NHEJ1: variants seen among roughly 807,000 people sequenced by gnomAD.
The protein encoded by NHEJ1 is non-homologous end joining factor 1.
In NHEJ1, 22 loss-of-function variants were observed where a neutral mutation model predicts 39.4. That is an observed-to-expected ratio of 0.56 (90% confidence interval 0.40 to 0.80). The LOEUF (loss-of-function observed/expected upper bound fraction) is 0.80. NHEJ1 is among the 30% of genes least tolerant of loss of function. The probability of loss-of-function intolerance (pLI) is 0.00; values close to 1 mark genes in which losing one functional copy is unlikely to be tolerated. For missense variants in NHEJ1, 329 were observed against 357.1 expected (o/e 0.92, Z 0.63); for synonymous variants, 154 against 135.6 (o/e 1.14, Z -0.94).
At chr2:219,150,541 C>A (rs191733775) in intron 3 of NHEJ1, among the ~76,000 whole-genome samples, 3 of 152,216 alleles carry the variant, frequency 2.0e-5, no homozygotes, top group Admixed American at 1.3e-4. Context: ...TCCTGCTGGG[C>A]GGGCATGGTG....
rs1286481300 is a variant in NHEJ1, at chr2:219,127,885, CAA to C, written c.588+18793_588+18794del. On this transcript the variant is annotated intron_variant, in intron 5 of 7. Coordinates refer to ENST00000356853, the MANE Select transcript of NHEJ1 (RefSeq NM_024782.3). ...TGGCATTACCATTTAACCTTAGAAT[CAA>C]AGAACCTTGGCACTGGAAAATAAAC... 3.3e-5 allele frequency among the ~76,000 whole-genome samples: 5 copies of C among 151,918 alleles called. No homozygotes were observed. In the East Asian group the frequency reaches 9.6e-4, roughly 29 times the overall value.
In NHEJ1 at chr2:219,074,686, G is replaced by A. The variant is rs1467861427; in HGVS notation, c.*1695C>T. Among the ~76,000 whole-genome samples, 1 of 151,404 alleles carries A rather than the reference G, an allele frequency of 6.6e-6. No individual in the cohort carries two copies. Among genetic ancestry groups the A allele is most frequent in the African/African-American group, 2.4e-5 (1 of 41,148 alleles). ...GAACACAGGAGGTGGAGTTTGCAGT[G>A]AGCCAAAATTGTGCGATTGTACTCC... On this transcript the variant is annotated 3_prime_UTR_variant, in exon 8 of 8. Coordinates refer to ENST00000356853, the MANE Select transcript of NHEJ1 (RefSeq NM_024782.3).
intron 5 of NHEJ1, among the ~76,000 whole-genome samples, chr2:219,141,996 T>C (rs1245945590): frequency 1.3e-5 from 2 of 152,200 alleles, no homozygotes; most frequent in South Asian, 2.1e-4. Context: ...ACTCTCTTCA[T>C]AGTTTAAAGT....
At chr2:219,117,984 T>C (rs1373404895) in intron 5 of NHEJ1, among the ~76,000 whole-genome samples, 1 of 152,194 alleles carries the variant, frequency 6.6e-6, no homozygotes, top group African/African-American at 2.4e-5. Context: ...TCCATGCAAA[T>C]ACAGCCTTTT....
intron 5 of NHEJ1, among the ~76,000 whole-genome samples, chr2:219,130,572 C>T (rs773728678): frequency 1.3e-5 from 2 of 152,152 alleles, no homozygotes; most frequent in African/African-American, 2.4e-5. Flanking sequence ...TTATGAGTTA[C>T]GAGCGCTTGG....
intron 5 of NHEJ1, among the ~76,000 whole-genome samples, chr2:219,108,719 T>C (rs189301938): frequency 6.6e-6 from 1 of 152,292 alleles, no homozygotes; most frequent in East Asian, 1.9e-4. Context: ...TGAGTATTAT[T>C]CTATAATACT....
At chr2:219,141,377 C>G (rs1949689966) in intron 5 of NHEJ1, among the ~76,000 whole-genome samples, 1 of 138,898 alleles carries the variant, frequency 7.2e-6, no homozygotes, top group African/African-American at 2.9e-5. Context: ...GAGACTTGGT[C>G]TCAAAAAAAA....
At chr2:219,101,788 C>T (rs749986039) in intron 5 of NHEJ1, among the ~76,000 whole-genome samples, 94 of 150,002 alleles carry the variant, frequency 6.3e-4, no homozygotes, top group Admixed American at 3.2e-3. Flanking sequence ...TGCAGTGGCG[C>T]GATCTCAGCT....
At chr2:219,088,260 T>C (rs1030318620) in intron 5 of NHEJ1, among the ~76,000 whole-genome samples, 2 of 152,236 alleles carry the variant, frequency 1.3e-5, no homozygotes, top group Non-Finnish European at 1.5e-5. Flanking sequence ...AGTTGTGGTA[T>C]AGCTTTACAA....
intron 5 of NHEJ1, among the ~76,000 whole-genome samples, chr2:219,113,089 G>A (rs949150356): frequency 3.9e-5 from 6 of 152,224 alleles, no homozygotes; most frequent in African/African-American, 1.4e-4. Context: ...CAACGACTAA[G>A]TCAAAGTACT....
chr2:219,144,854 C>T (rs537092305), intron 5 of NHEJ1, among the ~76,000 whole-genome samples: 10 of 152,242 alleles, frequency 6.6e-5, no homozygotes, highest in African/African-American at 1.7e-4. Context: ...AAGAGAAAAA[C>T]GGCCTAAGAA....
rs755468811 is a variant in NHEJ1, at chr2:219,158,203, C to T, written c.160G>A (p.Val54Ile). The T allele has an allele frequency of 4.3e-6, 7 of 1,614,082 alleles. No individual in the cohort carries two copies. The highest frequency in any genetic ancestry group is 5.9e-6 in the Non-Finnish European group (7 of 1,180,050). ...ATACTTACCTTGGCTCGCTGGCTGA[C>T]CACACTAGTGTCCACCTGTTCATGC... The part of the protein sequence containing the change: ...VWHEQVDTSV[V>I]SQRAKELNKR... Residue 54 changes from valine (V) to isoleucine (I), a missense_variant, in exon 2 of 8, where the codon GTC (valine) becomes ATC (isoleucine). Physicochemically the swap from Val to Ile is conservative, Grantham distance 29. Coordinates refer to ENST00000356853, the MANE Select transcript of NHEJ1 (RefSeq NM_024782.3).
chr2:219,070,422 C>A lies in NHEJ1; in HGVS notation c.*5959G>T, dbSNP rs1207561042. Among the ~76,000 whole-genome samples the A allele has an allele frequency of 3.9e-5, 6 of 152,212 alleles. No homozygotes were observed. The highest frequency in any genetic ancestry group is 8.8e-5 in the Non-Finnish European group (6 of 68,038). Reference sequence around the variant, plus strand: ...GGCCAGGCTGGTCTCAAATTCCTGACCTCAGGTGATCCACCTGCCTCAGCC... The same window carrying A: ...GGCCAGGCTGGTCTCAAATTCCTGAACTCAGGTGATCCACCTGCCTCAGCC... On this transcript the variant is annotated 3_prime_UTR_variant, in exon 8 of 8. Coordinates refer to ENST00000356853, the MANE Select transcript of NHEJ1 (RefSeq NM_024782.3).
intron 3 of NHEJ1, 145 bp downstream of exon 3, chr2:219,157,327 C>T: frequency 1.4e-6 from 1 of 699,824 alleles, no homozygotes; most frequent in Non-Finnish European, 2.5e-6. Flanking sequence ...GTCAAGAATC[C>T]TTTTTGCCTT....
At chr2:219,120,806 G>C (rs148040294) in intron 5 of NHEJ1, among the ~76,000 whole-genome samples, 3 of 152,248 alleles carry the variant, frequency 2.0e-5, no homozygotes, top group South Asian at 2.1e-4. Context: ...GGGAAATAGA[G>C]AGCCACCAAA....
At chr2:219,095,821 C>A (rs72951729) in intron 5 of NHEJ1, among the ~76,000 whole-genome samples, 14,079 of 151,814 alleles carry the variant, frequency 0.093, 644 homozygotes, top group East Asian at 0.13. Flanking sequence ...TAAAAGCTGG[C>A]GAAGCAATAA....
intron 5 of NHEJ1, among the ~76,000 whole-genome samples, chr2:219,122,800 T>TAAC (rs1386920250): frequency 6.6e-6 from 1 of 152,154 alleles, no homozygotes; most frequent in Non-Finnish European, 1.5e-5. Flanking sequence ...ACATGAATAT[T>TAAC]AACAACACCC....
chr2:219,109,293 A>G (rs1257609532), intron 5 of NHEJ1, among the ~76,000 whole-genome samples: 6 of 152,094 alleles, frequency 3.9e-5, no homozygotes, highest in Non-Finnish European at 5.9e-5. Context: ...TCTCATCATC[A>G]CTCACAAATA....
chr2:219,152,578 C>T (rs2106365217), intron 3 of NHEJ1, among the ~76,000 whole-genome samples: 1 of 152,258 alleles, frequency 6.6e-6, no homozygotes, highest in African/African-American at 2.4e-5. Context: ...CCCACTTCAG[C>T]CTTCCAAGTA....
Sources: allele counts gnomAD v4.1 joint callset (sites outside exome capture counted in the v4.1 genomes callset), GRCh38; gene constraint gnomAD v4.1.1; transcripts MANE v1.5; gene names NCBI Gene and HGNC (gene_info 2026-07-23, HGNC 2026-07-21).